Variants in DNAI4 observed in about 807,000 individuals in gnomAD.
DNAI4 encodes dynein axonemal intermediate chain 4, also known as WD repeat domain 78.
In DNAI4, 85 loss-of-function variants were observed where a neutral mutation model predicts 105.8. That is an observed-to-expected ratio of 0.80 (90% CI 0.67 to 0.96). The LOEUF (loss-of-function observed/expected upper bound fraction) is 0.96. Ranked by LOEUF, DNAI4 falls within the 40% of genes least tolerant of loss-of-function variation. The probability of loss-of-function intolerance (pLI) is 0.00; values close to 1 mark genes in which losing one functional copy is unlikely to be tolerated. For synonymous variants in DNAI4, 352 were observed against 331.5 expected (o/e 1.06, Z -0.67); for missense variants, 1,014 against 1,005.6 (o/e 1.01, Z -0.11).
At position 66,871,452 on chromosome 1, in the gene DNAI4, A is replaced by G; in HGVS notation, c.858T>C (p.Tyr286=). 6.2e-7 allele frequency: 1 copy of G among 1,611,428 alleles called. No individual in the cohort carries two copies. Among genetic ancestry groups the G allele is most frequent in the Non-Finnish European group, 8.5e-7 (1 of 1,178,478 alleles). ...LCRNRLGNDL[Y]VERMMQTFNG... Reference sequence around the variant, plus strand: ...TGAAAGTCTGCATCATCCTTTCAACATATAGGTCATTGCCTAATCTGTTTC... The same window carrying G: ...TGAAAGTCTGCATCATCCTTTCAACGTATAGGTCATTGCCTAATCTGTTTC... The change falls in exon 6 of 17, where the codon TAT becomes TAC. Residue 286 remains tyrosine, a synonymous_variant. Coordinates refer to ENST00000371026, the MANE Select transcript of DNAI4 (RefSeq NM_024763.5).
chr1:66,886,224 A>G (rs1487000752), intron 4 of DNAI4, among the ~76,000 whole-genome samples: 1 of 152,160 alleles, frequency 6.6e-6, no homozygotes, highest in Non-Finnish European at 1.5e-5. Context: ...TGCTGACATT[A>G]CACACCTTGC....
At chr1:66,839,429 G>A (rs1646100403) in intron 9 of DNAI4, among the ~76,000 whole-genome samples, 1 of 152,114 alleles carries the variant, frequency 6.6e-6, no homozygotes, top group African/African-American at 2.4e-5. Context: ...AATGATTATA[G>A]ACTTTCTGTT....
chr1:66,860,070 TAG>T (rs145598194), intron 7 of DNAI4, among the ~76,000 whole-genome samples: 15,589 of 151,984 alleles, frequency 0.1, 970 homozygotes, highest in Middle Eastern at 0.19. Context: ...GCACAGAAAG[TAG>T]AGAGATGAAG....
intron 1 of DNAI4, among the ~76,000 whole-genome samples, chr1:66,918,549 C>T (rs1265751885): frequency 2.6e-5 from 4 of 152,184 alleles, no homozygotes; most frequent in Non-Finnish European, 4.4e-5. Context: ...AAGCCACTTT[C>T]ATACCTACTT....
At chr1:66,864,126 G>C (rs1646683227) in intron 6 of DNAI4, among the ~76,000 whole-genome samples, 1 of 152,056 alleles carries the variant, frequency 6.6e-6, no homozygotes, top group African/African-American at 2.4e-5. Flanking sequence ...ATTTTAGTTT[G>C]GGTACTATAG....
intron 4 of DNAI4, among the ~76,000 whole-genome samples, chr1:66,877,964 C>A (rs933638474): frequency 3.3e-5 from 5 of 152,132 alleles, no homozygotes; most frequent in African/African-American, 1.2e-4. Context: ...TGGTGTTAAT[C>A]TTGGCCACCT....
intron 2 of DNAI4, among the ~76,000 whole-genome samples, chr1:66,894,316 T>A (rs1441612832): frequency 6.6e-6 from 1 of 152,152 alleles, no homozygotes; most frequent in Non-Finnish European, 1.5e-5. Context: ...TATTTATTCC[T>A]ATTTTGATTT....
At chr1:66,846,867 A>G (rs1296086897) in intron 8 of DNAI4, among the ~76,000 whole-genome samples, 1 of 152,230 alleles carries the variant, frequency 6.6e-6, no homozygotes, top group African/African-American at 2.4e-5. Context: ...AAGGTTGATT[A>G]AGATAATCTC....
At chr1:66,908,343 T>C (rs1018956179) in intron 1 of DNAI4, among the ~76,000 whole-genome samples, 4 of 152,154 alleles carry the variant, frequency 2.6e-5, no homozygotes, top group African/African-American at 9.7e-5. Context: ...ACTTGTCAAA[T>C]GCAAACTAAG....
At chr1:66,839,117 T>A (rs1045844532) in intron 9 of DNAI4, among the ~76,000 whole-genome samples, 2 of 152,146 alleles carry the variant, frequency 1.3e-5, no homozygotes, top group African/African-American at 4.8e-5. Flanking sequence ...GTTTCATATA[T>A]CTTTATTACA....
chr1:66,918,280 T>C (rs995802344), intron 1 of DNAI4, among the ~76,000 whole-genome samples: 1 of 152,250 alleles, frequency 6.6e-6, no homozygotes, highest in Admixed American at 6.5e-5. Context: ...TTCAAAACTA[T>C]AGTAGACCTG....
At chr1:66,845,177 C>T (rs1253779437) in intron 8 of DNAI4, among the ~76,000 whole-genome samples, 11 of 67,348 alleles carry the variant, frequency 1.6e-4, no homozygotes, top group Non-Finnish European at 2.7e-4. Flanking sequence ...GGTGACAGAG[C>T]GAAACTCCAT....
At chr1:66,892,286 G>T (rs966816601) in intron 3 of DNAI4, among the ~76,000 whole-genome samples, 1 of 152,114 alleles carries the variant, frequency 6.6e-6, no homozygotes, top group Non-Finnish European at 1.5e-5. Context: ...CTCCAGAGAA[G>T]CATAATTGCT....
chr1:66,893,037 A>AAG lies in DNAI4; in HGVS notation c.530+190_530+191dup, dbSNP rs1472777370. On this transcript the variant is annotated intron_variant, in intron 3 of 16. Transcript: ENST00000371026. ...AGGAAAGAAAGAAAGAAAGAGAGGAAAGAAAGAAAGAAAGAAAGAGAGAGA... is the reference window on the plus strand; with the variant it reads ...AGGAAAGAAAGAAAGAAAGAGAGGAAAGAGAAAGAAAGAAAGAAAGAGAGAGA... 5.9e-4 allele frequency among the ~76,000 whole-genome samples: 67 copies of AAG among 112,722 alleles called. 1 individual carries two copies. Among genetic ancestry groups the AAG allele is most frequent in the African/African-American group, 2.6e-3 (66 of 25,334 alleles). The allele number at this position is 112,722 out of a possible 152,430, so 74.0% of individuals were successfully genotyped here. A position where few individuals can be genotyped will look rare whatever the true frequency, so the allele number is the denominator to read the frequency against.
At chr1:66,840,174 A>G (rs986609038) in intron 9 of DNAI4, among the ~76,000 whole-genome samples, 3 of 152,224 alleles carry the variant, frequency 2.0e-5, no homozygotes, top group Non-Finnish European at 2.9e-5. Flanking sequence ...TTACTTATTC[A>G]TATCTAACAT....
At chr1:66,892,877 C>A (rs1013822083) in intron 3 of DNAI4, among the ~76,000 whole-genome samples, 3 of 149,912 alleles carry the variant, frequency 2.0e-5, no homozygotes, top group African/African-American at 7.4e-5. Flanking sequence ...CACTGTACTC[C>A]AGCCTGGGCA....
In DNAI4 at chr1:66,862,232, T is replaced by C; in HGVS notation, c.1011A>G (p.Lys337=). Residue 337 remains lysine, a synonymous_variant, in exon 7 of 17, where the codon AAA becomes AAG. Coordinates refer to ENST00000371026, the MANE Select transcript of DNAI4 (RefSeq NM_024763.5). ...NAMELVSLSV[K]QSVVESSSKA... is the part of the protein sequence containing the mutation. ...TACTACTTGACTCAACCACAGATTG[T>C]TTTACTGATAAAGATACAAGTTCCA... The C allele has an allele frequency of 6.2e-7, 1 of 1,611,306 alleles. No homozygotes were observed. The highest frequency in any genetic ancestry group is 8.5e-7 in the Non-Finnish European group (1 of 1,179,032).
chr1:66,854,230 A>G (rs1019315220), intron 7 of DNAI4, among the ~76,000 whole-genome samples: 21 of 152,282 alleles, frequency 1.4e-4, no homozygotes, highest in African/African-American at 5.1e-4. Context: ...CATGTCTACA[A>G]AAATTTTTAA....
Position 66,900,393 on chromosome 1 carries a change from G to A in DNAI4, c.345+4808C>T, listed in dbSNP as rs142212744. Among the ~76,000 whole-genome samples, 277 of 152,154 alleles carry A rather than the reference G, an allele frequency of 1.8e-3. 2 individuals are homozygous for A. Among genetic ancestry groups the A allele is most frequent in the African/African-American group, 6.3e-3 (263 of 41,518 alleles). On this transcript the variant is annotated intron_variant, in intron 2 of 16. Transcript: ENST00000371026. ...TGGGATTACAGGTGTGAGCCACCGC[G>A]CCTGGCCCCATATGAATTTTAGAAT...
Sources: gnomAD v4.1 joint callset for allele counts (sites outside exome capture counted in the v4.1 genomes callset) on GRCh38, gnomAD v4.1.1 for gene constraint, MANE v1.5 for transcripts, NCBI Gene and HGNC (gene_info 2026-07-23, HGNC 2026-07-21) for gene names.